The following EPHA3 variants were observed in gnomAD, a reference collection of about 807,000 sequenced individuals.
EPHA3 encodes the protein EPH receptor A3.
A neutral mutation model predicts 107.1 loss-of-function variants in EPHA3; 42 were observed. That is an observed-to-expected ratio of 0.39 (90% CI 0.31 to 0.51). The LOEUF is 0.51. Among genes scored for constraint, EPHA3 ranks in the 20% least tolerant of loss-of-function variants. The pLI is 0.78. For synonymous variants in EPHA3, 461 were observed against 424.8 expected (o/e 1.09, Z -1.05); for missense variants, 1,183 against 1,211.2 (o/e 0.98, Z 0.35).
intron 3 of EPHA3, among the ~76,000 whole-genome samples, chr3:89,323,710 G>A (rs1163401772): frequency 6.6e-6 from 1 of 152,000 alleles, no homozygotes; most frequent in Non-Finnish European, 1.5e-5. Context: ...TATATTCTAA[G>A]ACAATGAATC....
chr3:89,324,051 T>C (rs1405979364), intron 3 of EPHA3, among the ~76,000 whole-genome samples: 4 of 151,670 alleles, frequency 2.6e-5, no homozygotes, highest in African/African-American at 9.7e-5. Context: ...ATGTAACACA[T>C]CCAAATTATA....
At chr3:89,201,833 T>C (rs745743843) in intron 2 of EPHA3, among the ~76,000 whole-genome samples, 19 of 152,228 alleles carry the variant, frequency 1.2e-4, no homozygotes, top group Non-Finnish European at 1.8e-4. Context: ...TTATACATTG[T>C]TTAAAGTCAC....
At chr3:89,313,658 T>C (rs1706823419) in intron 3 of EPHA3, among the ~76,000 whole-genome samples, 1 of 151,942 alleles carries the variant, frequency 6.6e-6, no homozygotes, top group African/African-American at 2.4e-5. Context: ...TTTCCATATG[T>C]ATTATATCAT....
At chr3:89,223,418 C>T (rs1487479536) in intron 3 of EPHA3, among the ~76,000 whole-genome samples, 1 of 152,140 alleles carries the variant, frequency 6.6e-6, no homozygotes, top group Non-Finnish European at 1.5e-5. Flanking sequence ...CAGATGAATG[C>T]TTGAAGGCTC....
At chr3:89,136,131 C>G (rs1217193986) in intron 2 of EPHA3, among the ~76,000 whole-genome samples, 1 of 151,840 alleles carries the variant, frequency 6.6e-6, no homozygotes, top group Admixed American at 6.6e-5. Context: ...CTTTATGAAT[C>G]ACAGTCCAAA....
chr3:89,417,496 C>T (rs1199690797), intron 10 of EPHA3, among the ~76,000 whole-genome samples: 7 of 151,416 alleles, frequency 4.6e-5, no homozygotes, highest in East Asian at 1.9e-4. Context: ...TAAATGGGAG[C>T]GCTCTGATAA....
At chr3:89,113,396 G>A (rs1310421572) in intron 1 of EPHA3, among the ~76,000 whole-genome samples, 1 of 143,618 alleles carries the variant, frequency 7.0e-6, no homozygotes, top group Admixed American at 7.2e-5. Flanking sequence ...CTTGGTATCA[G>A]GTAGTTCTTG....
chr3:89,150,584 G>A (rs886209787), intron 2 of EPHA3, among the ~76,000 whole-genome samples: 4 of 151,896 alleles, frequency 2.6e-5, no homozygotes, highest in African/African-American at 9.7e-5. Context: ...TTCCCCAGAT[G>A]CACATATACA....
Position 89,383,271 on chromosome 3 carries a change from ACTCCTTT to A in EPHA3, c.1307-12563_1307-12557del, listed in dbSNP as rs1214208652. Among the ~76,000 whole-genome samples, 3 of 152,120 alleles carry A rather than the reference ACTCCTTT, an allele frequency of 2.0e-5. No individual in the cohort carries two copies. In the East Asian group the frequency reaches 5.8e-4, roughly 29 times the overall value. On this transcript the variant is annotated intron_variant, in intron 5 of 16. Coordinates refer to ENST00000336596, the MANE Select transcript of EPHA3 (RefSeq NM_005233.6). ...ATAATATATAATGGCATTTCGTTTT[ACTCCTTT>A]CTATCCTATGCTTGGGCACAGCACA...
intron 3 of EPHA3, among the ~76,000 whole-genome samples, chr3:89,283,635 A>G (rs996523472): frequency 5.3e-5 from 8 of 152,078 alleles, no homozygotes; most frequent in African/African-American, 9.7e-5. Context: ...GGACAGGCCA[A>G]ATTAGGTCAA....
At chr3:89,200,507 G>A (rs1037918967) in intron 2 of EPHA3, among the ~76,000 whole-genome samples, 2 of 152,104 alleles carry the variant, frequency 1.3e-5, no homozygotes, top group African/African-American at 4.8e-5. Flanking sequence ...TCTTGCTAAA[G>A]CTCTTCTCTT....
chr3:89,246,852 A>C lies in EPHA3; in HGVS notation c.814+36332A>C, dbSNP rs77500969. On this transcript the variant is annotated intron_variant, in intron 3 of 16. Coordinates refer to ENST00000336596, the MANE Select transcript of EPHA3 (RefSeq NM_005233.6). ...TTACTGTTGAAATAATCTGGAAGTA[A>C]GGTTGGTTTAATGTCCTTTGGAGCA... Among the ~76,000 whole-genome samples, 162 of 152,146 alleles carry C rather than the reference A, an allele frequency of 1.1e-3. 4 individuals carry two copies. The East Asian group carries it at 0.026, about 24-fold the overall frequency.
At position 89,349,517 on chromosome 3, in the gene EPHA3, C is replaced by T. The variant is rs1227550001; in HGVS notation, c.1306+7427C>T. Reference sequence around the variant, plus strand: ...TTTTGAGCCTATGTGTGTCTCTGCCCATGAGATGGGTTTCCTGAATACAGC... The same window carrying T: ...TTTTGAGCCTATGTGTGTCTCTGCCTATGAGATGGGTTTCCTGAATACAGC... On this transcript the variant is annotated intron_variant, in intron 5 of 16. Transcript: ENST00000336596. Among the ~76,000 whole-genome samples the T allele has an allele frequency of 5.3e-5, 8 of 149,720 alleles. No individual in the cohort carries two copies. The East Asian group carries it at 9.7e-4, about 18-fold the overall frequency.
chr3:89,296,159 C>T (rs1434121391), intron 3 of EPHA3, among the ~76,000 whole-genome samples: 3 of 152,158 alleles, frequency 2.0e-5, no homozygotes, highest in Admixed American at 6.5e-5. Context: ...CTTCCAAACT[C>T]TTGTTACTGA....
intron 1 of EPHA3, among the ~76,000 whole-genome samples, chr3:89,111,509 C>CT (rs1308127020): frequency 5.1e-5 from 3 of 58,926 alleles, no homozygotes; most frequent in African/African-American, 7.5e-5. Context: ...ACCCCTACAT[C>CT]CCCCCCCCAC....
chr3:89,291,783 C>T (rs1706211756), intron 3 of EPHA3, among the ~76,000 whole-genome samples: 1 of 152,140 alleles, frequency 6.6e-6, no homozygotes, highest in South Asian at 2.1e-4. Context: ...CTGTGATGCT[C>T]ACATTTGGTC....
chr3:89,288,093 C>T (rs1399750505), intron 3 of EPHA3, among the ~76,000 whole-genome samples: 1 of 151,850 alleles, frequency 6.6e-6, no homozygotes, highest in Non-Finnish European at 1.5e-5. Flanking sequence ...AAGATGATTA[C>T]TCATCATCTT....
At chr3:89,394,426 A>G (rs979033911) in intron 5 of EPHA3, among the ~76,000 whole-genome samples, 38 of 152,312 alleles carry the variant, frequency 2.5e-4, no homozygotes, top group African/African-American at 8.9e-4. Flanking sequence ...AGATTAAGTC[A>G]TCATTCCCAG....
chr3:89,160,530 GA>G (rs1376398801), intron 2 of EPHA3, among the ~76,000 whole-genome samples: 3 of 146,522 alleles, frequency 2.0e-5, no homozygotes, highest in Admixed American at 7.0e-5. Flanking sequence ...ACAAGTCAGA[GA>G]AAAGTAATAT....
Sources: gnomAD v4.1 joint callset for allele counts (sites outside exome capture counted in the v4.1 genomes callset) on GRCh38, gnomAD v4.1.1 for gene constraint, MANE v1.5 for transcripts, NCBI Gene and HGNC (gene_info 2026-07-23, HGNC 2026-07-21) for gene names.